Variants in KLF8 observed in about 807,000 individuals in gnomAD.
KLF8 encodes KLF transcription factor 8, also known as Krueppel-like factor 8.
A neutral mutation model predicts 18.2 loss-of-function variants in KLF8; 10 were observed. That is an observed-to-expected ratio of 0.55 (90% CI 0.34 to 0.93). The LOEUF (loss-of-function observed/expected upper bound fraction) is 0.93, where lower values mean the gene tolerates loss of function less well. Among genes scored for constraint, KLF8 ranks in the 40% least tolerant of loss-of-function variants. The pLI is 0.02. For synonymous variants in KLF8, 109 were observed against 97.3 expected (o/e 1.12, Z -0.71); for missense variants, 264 against 277.9 (o/e 0.95, Z 0.36).
At chrX:56,056,850 A>AG in the KLF8 span, among the ~76,000 whole-genome samples, 5 of 109,149 alleles carry the variant, frequency 4.6e-5, no homozygotes, top group Non-Finnish European at 7.6e-5. Flanking sequence ...AAAAAAAAAA[A>AG]AAAGAAATGC....
the KLF8 span, among the ~76,000 whole-genome samples, chrX:56,185,971 G>A: frequency 4.5e-5 from 5 of 111,575 alleles, no homozygotes; most frequent in African/African-American, 1.6e-4. Flanking sequence ...ATCAACTAAC[G>A]AGCAAAAAAA....
the KLF8 span, among the ~76,000 whole-genome samples, chrX:56,197,510 C>T: frequency 9.0e-6 from 1 of 111,710 alleles, no homozygotes; most frequent in East Asian, 2.8e-4. Flanking sequence ...AATTCCTGGA[C>T]ACATACACCC....
chrX:55,989,931 G>C, the KLF8 span, among the ~76,000 whole-genome samples: 16 of 111,233 alleles, frequency 1.4e-4, no homozygotes, highest in African/African-American at 5.2e-4. Flanking sequence ...TTTAGTCTTG[G>C]GGGGGTGTAT....
At chrX:56,039,314 A>AT in the KLF8 span, among the ~76,000 whole-genome samples, 2 of 111,169 alleles carry the variant, frequency 1.8e-5, no homozygotes, top group Non-Finnish European at 3.8e-5. Context: ...TATTGCCTAG[A>AT]TTTTCTTCTA....
At chrX:56,081,325 G>T in the KLF8 span, among the ~76,000 whole-genome samples, 1 of 111,843 alleles carries the variant, frequency 8.9e-6, no homozygotes, top group African/African-American at 3.2e-5. Flanking sequence ...TGGGTTTTTG[G>T]TGTGGATGTC....
At chrX:56,048,703 A>T in the KLF8 span, among the ~76,000 whole-genome samples, 54 of 111,890 alleles carry the variant, frequency 4.8e-4, no homozygotes, top group African/African-American at 1.7e-3. Context: ...AGGTAGCATG[A>T]TGCCTCCAGC....
the KLF8 span, among the ~76,000 whole-genome samples, chrX:55,993,923 T>C: frequency 1.6e-4 from 17 of 106,102 alleles, no homozygotes; most frequent in African/African-American, 5.5e-4. Flanking sequence ...TTTTTTTTTT[T>C]TTTTTTAGAT....
chrX:56,046,278 G>A, the KLF8 span, among the ~76,000 whole-genome samples: 2 of 111,436 alleles, frequency 1.8e-5, no homozygotes, highest in African/African-American at 6.5e-5. Flanking sequence ...TTGCATCTAT[G>A]ATCATCAGGC....
the KLF8 span, among the ~76,000 whole-genome samples, chrX:56,157,648 G>A: frequency 8.9e-6 from 1 of 111,797 alleles, no homozygotes; most frequent in Non-Finnish European, 1.9e-5. Context: ...CAGTGATGAT[G>A]AGCATTTTTT....
chrX:56,279,646 A>G (rs2067172027), intron 5 of KLF8, among the ~76,000 whole-genome samples: 1 of 111,458 alleles, frequency 9.0e-6, no homozygotes, highest in Non-Finnish European at 1.9e-5. Context: ...TAAGAGGCTA[A>G]TGAAGCAATC....
the KLF8 span, among the ~76,000 whole-genome samples, chrX:55,914,556 G>A: frequency 8.9e-6 from 1 of 112,196 alleles, no homozygotes; most frequent in Non-Finnish European, 1.9e-5. Flanking sequence ...AAGTGAGAAA[G>A]TTATTAATAT....
the KLF8 span, among the ~76,000 whole-genome samples, chrX:55,931,114 C>A: frequency 2.7e-5 from 3 of 110,187 alleles, no homozygotes; most frequent in Non-Finnish European, 5.7e-5. Context: ...TTGGTCTTGG[C>A]AGAGTGTGTG....
chrX:56,073,738 C>T, the KLF8 span, among the ~76,000 whole-genome samples: 2 of 97,152 alleles, frequency 2.1e-5, no homozygotes, highest in African/African-American at 6.9e-5. Context: ...TCCATGATGA[C>T]TAATGATGGC....
the KLF8 span, among the ~76,000 whole-genome samples, chrX:56,113,199 GAAAA>G: frequency 1.4e-5 from 1 of 70,947 alleles, no homozygotes; most frequent in East Asian, 4.5e-4. Flanking sequence ...CTCCATCTCA[GAAAA>G]AAAAAAAAAA....
the KLF8 span, among the ~76,000 whole-genome samples, chrX:56,188,349 C>G: frequency 9.0e-6 from 1 of 111,323 alleles, no homozygotes; most frequent in African/African-American, 3.3e-5. Flanking sequence ...AGCTACAAAC[C>G]ACTGCTCAAT....
At chrX:55,988,229 G>A in the KLF8 span, among the ~76,000 whole-genome samples, 1 of 110,373 alleles carries the variant, frequency 9.1e-6, no homozygotes, top group Non-Finnish European at 1.9e-5. Flanking sequence ...GTCAATTTTG[G>A]CTTTTGTTGC....
chrX:56,053,176 C>T, the KLF8 span, among the ~76,000 whole-genome samples: 1 of 112,381 alleles, frequency 8.9e-6, no homozygotes, highest in Non-Finnish European at 1.9e-5. Flanking sequence ...CTGGCACTCC[C>T]TAGTGAGATG....
chrX:56,248,873 C>A (rs1042427737), intron 1 of KLF8, among the ~76,000 whole-genome samples: 1 of 111,778 alleles, frequency 8.9e-6, no homozygotes, highest in Non-Finnish European at 1.9e-5. Flanking sequence ...TCTTTTCCAC[C>A]CTTTTCCAAT....
chrX:56,027,353 C>T, the KLF8 span, among the ~76,000 whole-genome samples: 410 of 111,798 alleles, frequency 3.7e-3, 5 homozygotes, highest in African/African-American at 0.013. Context: ...CCCTGCAATG[C>T]GTGACTGCCA....
Sources: allele counts gnomAD v4.1 joint callset (sites outside exome capture counted in the v4.1 genomes callset), GRCh38; gene constraint gnomAD v4.1.1; transcripts MANE v1.5; gene names NCBI Gene and HGNC (gene_info 2026-07-23, HGNC 2026-07-21).